The following AKAP11 variants were observed in gnomAD, a reference collection of about 807,000 sequenced individuals.
AKAP11 encodes A-kinase anchor protein 11.
In AKAP11, 36 loss-of-function variants were observed where a neutral mutation model predicts 146.1. That is an observed-to-expected ratio of 0.25 (90% CI 0.19 to 0.33). The LOEUF is 0.33. Ranked by LOEUF, AKAP11 falls within the 10% of genes least tolerant of loss-of-function variation. The probability of loss-of-function intolerance (pLI) is 1.00; values close to 1 mark genes in which losing one functional copy is unlikely to be tolerated. For missense variants in AKAP11, 2,201 were observed against 2,197.0 expected, an observed-to-expected ratio of 1.00 and a Z score of -0.04; for synonymous variants, 780 against 786.5, an observed-to-expected ratio of 0.99 and a Z score of 0.14.
intron 8 of AKAP11, 81 bp from the exon 9 acceptor site, chr13:42,308,373 T>G: frequency 8.4e-7 from 1 of 1,188,558 alleles, no homozygotes; most frequent in South Asian, 1.7e-5. Context: ...TTATCATCTT[T>G]GTCATCAAAT....
chr13:42,293,459 T>C lies in AKAP11; in HGVS notation c.168+958T>C, dbSNP rs1468854481. Among the ~76,000 whole-genome samples, 7 of 152,328 alleles carry C rather than the reference T, an allele frequency of 4.6e-5. No homozygotes were observed. The East Asian group carries it at 1.4e-3, about 29-fold the overall frequency. ...ATGAGCATATGTTTTAGGCCTGTAG[T>C]GTTCTGGTGCCTCATCCTCTTTTTG... On this transcript the variant is annotated intron_variant, in intron 4 of 12. Transcript: ENST00000025301.
At chr13:42,286,110 T>TA (rs1959163317) in intron 2 of AKAP11, 75 bp downstream of exon 2, 1 of 307,498 alleles carries the variant, frequency 3.3e-6, no homozygotes. Context: ...CTCATTAAGG[T>TA]ACCAATATTC....
intron 1 of AKAP11, among the ~76,000 whole-genome samples, chr13:42,279,263 C>A (rs9652184): frequency 1.3e-5 from 2 of 150,076 alleles, no homozygotes; most frequent in East Asian, 2.0e-4. Context: ...ACGTGCACAC[C>A]CACACACACA....
At chr13:42,288,460 A>C (rs1021056781) in intron 3 of AKAP11, among the ~76,000 whole-genome samples, 2 of 152,186 alleles carry the variant, frequency 1.3e-5, no homozygotes, top group African/African-American at 4.8e-5. Flanking sequence ...TTATGATCAT[A>C]ATGTTTCTTC....
intron 5 of AKAP11, among the ~76,000 whole-genome samples, chr13:42,296,583 CAGTTAA>C (rs1375664484): frequency 6.6e-6 from 1 of 151,806 alleles, no homozygotes; most frequent in African/African-American, 2.4e-5. Context: ...TTAAAATTAT[CAGTTAA>C]AGTCTAATAC....
chr13:42,287,147 G>C (rs1959173710), intron 3 of AKAP11, among the ~76,000 whole-genome samples: 2 of 152,116 alleles, frequency 1.3e-5, no homozygotes, highest in African/African-American at 2.4e-5. Flanking sequence ...GTGTTCCTAT[G>C]AGCTTCTGGG....
In AKAP11 at chr13:42,301,698, G is replaced by A. The variant is rs763760641; in HGVS notation, c.2952G>A (p.Lys984=). The part of the protein sequence containing the change: ...SGEESQLTPE[K]SPKFPDSQNQ... ...AAGAATCACAGTTGACACCAGAAAAGTCTCCCAAATTTCCTGACTCTCAGA... is the reference window on the plus strand; with the variant it reads ...AAGAATCACAGTTGACACCAGAAAAATCTCCCAAATTTCCTGACTCTCAGA... The change falls in exon 8 of 13, where the codon AAG becomes AAA. Residue 984 remains lysine, a synonymous_variant. Coordinates refer to ENST00000025301, the MANE Select transcript of AKAP11 (RefSeq NM_016248.4). The A allele has an allele frequency of 6.2e-7, 1 of 1,614,064 alleles. No homozygotes were observed.
intron 3 of AKAP11, among the ~76,000 whole-genome samples, chr13:42,287,314 C>T (rs569138759): frequency 4.7e-4 from 71 of 151,502 alleles, no homozygotes; most frequent in Non-Finnish European, 8.7e-4. Flanking sequence ...GACACAGTTT[C>T]GCTCTGTTGC....
rs564318789 is a variant in AKAP11 at position 42,303,971 on chromosome 13, T to A, written c.5117+108T>A. ...AGGAATGATTATTTTTAACCCTACA[T>A]AAACAAAAGTTTTCCCTGTTGCATT... On this transcript the variant is annotated intron_variant, in intron 8 of 12. Transcript: ENST00000025301. 3.0e-6 allele frequency: 4 copies of A among 1,332,148 alleles called. No individual in the cohort carries two copies. In the African/African-American group the frequency reaches 5.9e-5, roughly 20 times the overall value. 82.5% of individuals were successfully genotyped at this position (1,332,148 alleles called of 1,614,324 possible).
Position 42,301,695 on chromosome 13 carries a change from A to C in AKAP11, c.2949A>C (p.Glu983Asp). ...GAGAAGAATCACAGTTGACACCAGA[A>C]AAGTCTCCCAAATTTCCTGACTCTC... Reference protein sequence around the residue: ...VSGEESQLTPEKSPKFPDSQN... With the variant: ...VSGEESQLTPDKSPKFPDSQN... The change falls in exon 8 of 13, where the codon GAA becomes GAC. Residue 983 changes from glutamate (E) to aspartate (D), a missense_variant. This residue lies in a region of AKAP11 where 1,867 missense variants were observed against 1,833.5 expected (regional missense o/e 1.02). Transcript: ENST00000025301. 8.1e-6 allele frequency: 13 copies of C among 1,614,182 alleles called. No homozygotes were observed. Among genetic ancestry groups the C allele is most frequent in the Non-Finnish European group, 1.1e-5 (13 of 1,180,020 alleles).
intron 3 of AKAP11, among the ~76,000 whole-genome samples, chr13:42,289,302 G>A (rs1397403800): frequency 6.6e-6 from 1 of 152,110 alleles, no homozygotes. Context: ...CAGGGCAAAT[G>A]CCCTTTAATT....
At chr13:42,293,162 A>G (rs890398974) in intron 4 of AKAP11, among the ~76,000 whole-genome samples, 1 of 152,216 alleles carries the variant, frequency 6.6e-6, no homozygotes, top group East Asian at 1.9e-4. Flanking sequence ...TTTGAAGTTA[A>G]AACATTTTAT....
At position 42,303,224 on chromosome 13, in the gene AKAP11, C is replaced by T; in HGVS notation, c.4478C>T (p.Ser1493Phe). Residue 1493 changes from serine to phenylalanine, a missense_variant, in exon 8 of 13, where the codon TCT (serine) becomes TTT (phenylalanine). By Grantham distance (155) the Ser-to-Phe change is radical. Transcript: ENST00000025301. ...ACAGATTCTTGCTTGTTTGAAAAAT[C>T]TGGATATGAAGAAGATAATGAGTGT... ...SLTDSCLFEKSGYEEDNECHV... is the reference protein window; with the variant it reads ...SLTDSCLFEKFGYEEDNECHV... 4 of 1,614,080 alleles carry T rather than the reference C, an allele frequency of 2.5e-6. No individual in the cohort carries two copies. Among genetic ancestry groups the T allele is most frequent in the African/African-American group, 2.7e-5 (2 of 75,028 alleles).
Position 42,298,795 on chromosome 13 carries a change from A to T in AKAP11, c.614A>T (p.Asp205Val). 1 of 1,547,234 alleles carries T rather than the reference A, an allele frequency of 6.5e-7. No individual in the cohort carries two copies. The highest frequency in any genetic ancestry group is 8.6e-7 in the Non-Finnish European group (1 of 1,159,470). ...EEEETSKPYN[D>V]GMNITVLRSQ... Reference sequence around the variant, plus strand: ...GAAGAGACTTCAAAGCCATACAATGATGGTTTGTTTTTCATTAGACTTTTT... The same window carrying T: ...GAAGAGACTTCAAAGCCATACAATGTTGGTTTGTTTTTCATTAGACTTTTT... The change falls in exon 7 of 13, where the codon GAT (aspartate) becomes GTT (valine). Residue 205 changes from aspartate to valine, a missense_variant and splice_region_variant. Physicochemically the swap from Asp to Val is radical, Grantham distance 152 (BLOSUM62 -3). Transcript: ENST00000025301.
At chr13:42,274,650 A>G (rs1958870750) in intron 1 of AKAP11, among the ~76,000 whole-genome samples, 1 of 152,238 alleles carries the variant, frequency 6.6e-6, no homozygotes, top group African/African-American at 2.4e-5. Flanking sequence ...GTGCCACTGC[A>G]CTCCACCCTG....
chr13:42,298,416 G>A, intron 6 of AKAP11, 117 bp from the exon 7 acceptor site: 1 of 1,057,398 alleles, frequency 9.5e-7, no homozygotes. Context: ...AGCTTTTCAG[G>A]ATGCATGAAT....
At chr13:42,307,217 T>C (rs1960306715) in intron 8 of AKAP11, among the ~76,000 whole-genome samples, 1 of 152,208 alleles carries the variant, frequency 6.6e-6, no homozygotes, top group Non-Finnish European at 1.5e-5. Context: ...AGTATCATTC[T>C]GTATCTTACA....
intron 5 of AKAP11, 133 bp from the exon 6 acceptor site, chr13:42,296,915 A>G: frequency 1.7e-6 from 1 of 599,854 alleles, no homozygotes; most frequent in Non-Finnish European, 2.8e-6. Context: ...AATAAACTGT[A>G]TATGTTAACT....
At chr13:42,317,931 T>A (rs1201139626) in intron 12 of AKAP11, among the ~76,000 whole-genome samples, 1 of 152,206 alleles carries the variant, frequency 6.6e-6, no homozygotes, top group African/African-American at 2.4e-5. Context: ...TACAGGGGTT[T>A]ATGAGGATTA....
Sources: gnomAD v4.1 joint callset for allele counts (sites outside exome capture counted in the v4.1 genomes callset) on GRCh38, gnomAD v4.1.1 for gene constraint, gnomAD v4.1.1 regional missense constraint, MANE v1.5 for transcripts, NCBI Gene and HGNC (gene_info 2026-07-23, HGNC 2026-07-21) for gene names.